Variants in PLAC8 observed in about 807,000 individuals in gnomAD.
The protein encoded by PLAC8 is placenta-specific gene 8 protein.
In PLAC8, 6 loss-of-function variants were observed where a neutral mutation model predicts 12.6. The observed-to-expected ratio is 0.48, with a 90% CI of 0.26 to 0.94. The LOEUF is 0.94. Among genes scored for constraint, PLAC8 ranks in the 40% least tolerant of loss-of-function variants. PLAC8 has a pLI of 0.14. For missense variants in PLAC8, 122 were observed against 152.7 expected (o/e 0.80, Z 1.06); for synonymous variants, 54 against 52.6 (o/e 1.03, Z -0.11).
intron 1 of PLAC8, among the ~76,000 whole-genome samples, chr4:83,108,715 G>T (rs1421308992): frequency 6.6e-6 from 1 of 152,140 alleles, no homozygotes; most frequent in Non-Finnish European, 1.5e-5. Flanking sequence ...CAGGTACCTG[G>T]TATTCACACA....
chr4:83,109,049 G>C (rs890826556), intron 1 of PLAC8, among the ~76,000 whole-genome samples: 2 of 152,158 alleles, frequency 1.3e-5, no homozygotes, highest in African/African-American at 4.8e-5. Context: ...CATCATGAGA[G>C]GCAGTGTAGG....
Position 83,098,751 on chromosome 4 carries a change from T to A in PLAC8, c.244-3960A>T, listed in dbSNP as rs528358823. On this transcript the variant is annotated intron_variant, in intron 3 of 4. Coordinates refer to ENST00000311507, the MANE Select transcript of PLAC8 (RefSeq NM_016619.3). ...AGAATAAAGGTTTTTTTTTTTTTAA[T>A]TTTTTTGAGTTATTTTTGCCAAATG... is the stretch of plus-strand genomic sequence containing the variant. Among the ~76,000 whole-genome samples the A allele has an allele frequency of 2.6e-3, 388 of 151,872 alleles. 6 individuals are homozygous for A. Among genetic ancestry groups the A allele is most frequent in the African/African-American group, 9.1e-3 (376 of 41,514 alleles).
rs775237838 is a variant in PLAC8 at position 83,094,712 on chromosome 4, C to G, written c.323G>C (p.Arg108Thr). ...TTAGAAAGTACGCATGGCTCTCCTTCTGTTGATATCTCTCTTGATTTGGCA... is the reference window on the plus strand; with the variant it reads ...TTAGAAAGTACGCATGGCTCTCCTTGTGTTGATATCTCTCTTGATTTGGCA... ...TLCQIKRDIN[R>T]RRAMRTF The change falls in exon 4 of 5, where the codon AGA (arginine) becomes ACA (threonine). Residue 108 changes from arginine (R) to threonine (T), a missense_variant. Coordinates refer to ENST00000311507, the MANE Select transcript of PLAC8 (RefSeq NM_016619.3). 1.9e-6 allele frequency: 3 copies of G among 1,604,624 alleles called. No homozygotes were observed. The highest frequency in any genetic ancestry group is 2.5e-6 in the Non-Finnish European group (3 of 1,176,978).
intron 2 of PLAC8, among the ~76,000 whole-genome samples, 184 bp downstream of exon 2, chr4:83,107,620 C>CTTTTTTTTTTTTTTTTTTTTTTTT (rs70946974): frequency 1.4e-4 from 2 of 13,856 alleles, no homozygotes; most frequent in Non-Finnish European, 1.9e-4. Flanking sequence ...CATACGGAGG[C>CTTTTTTTTTTTTTTTTTTTTTTTT]TTTTTTTTTT....
At chr4:83,107,018 G>A (rs976671325) in intron 2 of PLAC8, among the ~76,000 whole-genome samples, 1 of 152,106 alleles carries the variant, frequency 6.6e-6, no homozygotes, top group African/African-American at 2.4e-5. Flanking sequence ...TGGCCAACAT[G>A]GTGAAACCTT....
chr4:83,102,843 T>C (rs938297137), intron 3 of PLAC8, among the ~76,000 whole-genome samples: 9 of 149,138 alleles, frequency 6.0e-5, no homozygotes, highest in Non-Finnish European at 1.3e-4. Context: ...TCCCAACACC[T>C]TGGGAGGCCG....
chr4:83,100,311 T>C (rs114293336), intron 3 of PLAC8, among the ~76,000 whole-genome samples: 1,962 of 151,302 alleles, frequency 0.013, 37 homozygotes, highest in African/African-American at 0.045. Context: ...GTAGCACCTC[T>C]GTCTCCCTTC....
chr4:83,103,495 A>C (rs1732159190), intron 3 of PLAC8, among the ~76,000 whole-genome samples: 1 of 152,194 alleles, frequency 6.6e-6, no homozygotes, highest in Admixed American at 6.5e-5. Flanking sequence ...AGGATTGAGA[A>C]TATTCCATAA....
intron 1 of PLAC8, among the ~76,000 whole-genome samples, chr4:83,108,726 G>A (rs1192968386): frequency 2.0e-5 from 3 of 152,178 alleles, no homozygotes; most frequent in East Asian, 1.9e-4. Context: ...TATTCACACA[G>A]GCTGCGAAAC....
rs540686447 is a variant in PLAC8, at chr4:83,104,310, A to G, written c.243+586T>C. ...TGTGGTGGTCTAGAACTAAACCTGT[A>G]TATCTGAGGTTTGCCTGTATATATA... On this transcript the variant is annotated intron_variant, in intron 3 of 4. Transcript: ENST00000311507. 2.1e-3 allele frequency among the ~76,000 whole-genome samples: 316 copies of G among 152,198 alleles called. 2 individuals are homozygous for G. Among genetic ancestry groups the G allele is most frequent in the African/African-American group, 7.2e-3 (297 of 41,474 alleles).
chr4:83,090,167 T>G lies in PLAC8; in HGVS notation c.*814A>C, dbSNP rs1188158289. The G allele has an allele frequency of 6.6e-6, 1 of 151,954 alleles. No homozygotes were observed. Among genetic ancestry groups the G allele is most frequent in the East Asian group, 1.9e-4 (1 of 5,186 alleles). 9.4% of individuals were successfully genotyped at this position (151,954 alleles called of 1,614,324 possible). ...GGCTCACACCTGTAATTCCAGCACC[T>G]TGGGAGGCTGAGATGAGAGGCTTGC... On this transcript the variant is annotated 3_prime_UTR_variant, in exon 5 of 5. Transcript: ENST00000311507.
chr4:83,107,057 AG>A (rs768578919), intron 2 of PLAC8, among the ~76,000 whole-genome samples: 2 of 152,032 alleles, frequency 1.3e-5, no homozygotes, highest in Non-Finnish European at 2.9e-5. Context: ...AAAATTAGCC[AG>A]GTGTGGTGAC....
rs112485342 is a variant in PLAC8 at position 83,110,942 on chromosome 4, C to T, written c.-29-2992G>A. On this transcript the variant is annotated intron_variant, in intron 1 of 4. Coordinates refer to ENST00000311507, the MANE Select transcript of PLAC8 (RefSeq NM_016619.3). ...TATCCGTAATGTCAAGTGGCTATCCCTAGGTGATTGGCTGATAGACTTTTT... is the reference window on the plus strand; with the variant it reads ...TATCCGTAATGTCAAGTGGCTATCCTTAGGTGATTGGCTGATAGACTTTTT... 3.6e-4 allele frequency among the ~76,000 whole-genome samples: 55 copies of T among 152,270 alleles called. 1 individual carries two copies. Among genetic ancestry groups the T allele is most frequent in the African/African-American group, 1.3e-3 (53 of 41,550 alleles).
At chr4:83,092,810 C>CTTTTTTTTTTTTTTTTTTTTTTT (rs70946966) in intron 4 of PLAC8, 1 of 84,886 alleles carries the variant, frequency 1.2e-5, no homozygotes, top group Non-Finnish European at 2.2e-5. Context: ...TTTTCTTTTC[C>CTTTTTTTTTTTTTTTTTTTTTTT]TTTTTTTTTT....
Position 83,111,886 on chromosome 4 carries a change from A to G in PLAC8, c.-30+2780T>C, listed in dbSNP as rs143132711. 6.1e-3 allele frequency among the ~76,000 whole-genome samples: 930 copies of G among 152,264 alleles called. 4 individuals carry two copies. Among genetic ancestry groups the G allele is most frequent in the Middle Eastern group, 0.01 (3 of 294 alleles). The stretch of plus-strand genomic sequence containing the variant: ...TGAAATCCACTCAGTGGCCATCTCT[A>G]TATTCTATAGTAAGCAGCTGTATCG... On this transcript the variant is annotated intron_variant, in intron 1 of 4. Coordinates refer to ENST00000311507, the MANE Select transcript of PLAC8 (RefSeq NM_016619.3).
At chr4:83,110,419 C>T (rs1021342692) in intron 1 of PLAC8, among the ~76,000 whole-genome samples, 1 of 152,160 alleles carries the variant, frequency 6.6e-6, no homozygotes, top group African/African-American at 2.4e-5. Context: ...CGTCACTCAC[C>T]CCTTTTACAA....
chr4:83,099,259 T>A (rs1366630339), intron 3 of PLAC8, among the ~76,000 whole-genome samples: 1 of 151,480 alleles, frequency 6.6e-6, no homozygotes, highest in Non-Finnish European at 1.5e-5. Flanking sequence ...TGAGATGGAG[T>A]TTCATTCTTG....
intron 3 of PLAC8, among the ~76,000 whole-genome samples, chr4:83,095,574 A>G (rs2126139934): frequency 6.6e-6 from 1 of 152,354 alleles, no homozygotes; most frequent in East Asian, 1.9e-4. Flanking sequence ...TATGGGAAAG[A>G]AAGGGGTAGG....
intron 3 of PLAC8, among the ~76,000 whole-genome samples, chr4:83,096,730 A>G (rs1731940832): frequency 6.6e-6 from 1 of 152,242 alleles, no homozygotes; most frequent in South Asian, 2.1e-4. Context: ...ATGAGGTCAT[A>G]CTATCCTATA....
Sources: gnomAD v4.1 joint callset for allele counts (sites outside exome capture counted in the v4.1 genomes callset) on GRCh38, gnomAD v4.1.1 for gene constraint, MANE v1.5 for transcripts, NCBI Gene and HGNC (gene_info 2026-07-23, HGNC 2026-07-21) for gene names.